RAB38: variants seen among roughly 807,000 people sequenced by gnomAD.
RAB38 encodes the protein ras-related protein Rab-38.
RAB38 carries 15 observed loss-of-function variants against 18.4 expected under a neutral mutation model. The observed-to-expected ratio is 0.82, with a 90% CI of 0.55 to 1.26. The LOEUF is 1.26. RAB38 is among the 50% of genes most tolerant of loss of function. The probability of loss-of-function intolerance (pLI) is 0.00; values close to 1 mark genes in which losing one functional copy is unlikely to be tolerated. For missense variants in RAB38, 294 were observed against 267.4 expected, an observed-to-expected ratio of 1.10 and a Z score of -0.69; for synonymous variants, 101 against 104.4, an observed-to-expected ratio of 0.97 and a Z score of 0.20.
At chr11:88,061,495 T>C in the RAB38 span, among the ~76,000 whole-genome samples, 2 of 152,234 alleles carry the variant, frequency 1.3e-5, no homozygotes, top group Non-Finnish European at 2.9e-5. Context: ...CGTCACTTTG[T>C]TCAATGATCA....
intron 1 of RAB38, among the ~76,000 whole-genome samples, chr11:88,169,500 ATGGAATTGTAAGCCTGAGCTCATGAG>A (rs1943283522): frequency 6.6e-6 from 1 of 152,310 alleles, no homozygotes; most frequent in Non-Finnish European, 1.5e-5. Flanking sequence ...CAGCAGGAAG[ATGGAATTGTAAGCCTGAGCTCATGAG>A]TAGTCAAGGA....
At chr11:87,814,551 G>A in the RAB38 span, among the ~76,000 whole-genome samples, 119 of 152,316 alleles carry the variant, frequency 7.8e-4, no homozygotes, top group African/African-American at 2.8e-3. Flanking sequence ...ATGGTAAAGT[G>A]TGTGCTGAAG....
At chr11:87,927,150 T>C in the RAB38 span, among the ~76,000 whole-genome samples, 1 of 151,994 alleles carries the variant, frequency 6.6e-6, no homozygotes, top group Non-Finnish European at 1.5e-5. Flanking sequence ...CAATTTGGGA[T>C]GTGAATCTAC....
chr11:87,847,101 C>T, the RAB38 span, among the ~76,000 whole-genome samples: 7 of 151,688 alleles, frequency 4.6e-5, no homozygotes, highest in East Asian at 3.9e-4. Context: ...TAAGGCCTAT[C>T]CTAAGAAACT....
chr11:87,842,123 A>G, the RAB38 span, among the ~76,000 whole-genome samples: 1 of 152,196 alleles, frequency 6.6e-6, no homozygotes, highest in Non-Finnish European at 1.5e-5. Flanking sequence ...AGTGTTATGG[A>G]TGAATAAAGA....
the RAB38 span, among the ~76,000 whole-genome samples, chr11:87,947,331 T>C: frequency 6.6e-6 from 1 of 152,132 alleles, no homozygotes; most frequent in Admixed American, 6.6e-5. Flanking sequence ...TCTCCCATTC[T>C]GTAGGCTGCC....
chr11:87,952,460 C>T, the RAB38 span, among the ~76,000 whole-genome samples: 1 of 152,180 alleles, frequency 6.6e-6, no homozygotes, highest in Non-Finnish European at 1.5e-5. Context: ...TATCCACATT[C>T]TCCTCTTAAC....
the RAB38 span, among the ~76,000 whole-genome samples, chr11:87,830,835 G>C: frequency 2.0e-5 from 3 of 151,974 alleles, no homozygotes; most frequent in Non-Finnish European, 4.4e-5. Context: ...GTCTCTCTCT[G>C]TTGCCCAGGC....
the RAB38 span, among the ~76,000 whole-genome samples, chr11:88,107,234 C>T: frequency 6.6e-6 from 1 of 152,122 alleles, no homozygotes; most frequent in Admixed American, 6.6e-5. Flanking sequence ...AATTTGAGAA[C>T]ATTTTTCTCA....
At chr11:87,833,692 C>G in the RAB38 span, among the ~76,000 whole-genome samples, 3 of 152,184 alleles carry the variant, frequency 2.0e-5, no homozygotes, top group Non-Finnish European at 2.9e-5. Context: ...TGTTAAATAA[C>G]TTGTCCTAAA....
chr11:87,962,998 G>A, the RAB38 span, among the ~76,000 whole-genome samples: 1 of 152,076 alleles, frequency 6.6e-6, no homozygotes, highest in African/African-American at 2.4e-5. Context: ...GTTCCATGAG[G>A]ACTAAAGATG....
the RAB38 span, among the ~76,000 whole-genome samples, chr11:87,926,953 CAG>C: frequency 2.0e-5 from 3 of 151,966 alleles, no homozygotes; most frequent in Non-Finnish European, 2.9e-5. Flanking sequence ...TCCAACAGTT[CAG>C]AGAGTCAACT....
chr11:88,125,681 T>C (rs1942686516), intron 2 of RAB38, among the ~76,000 whole-genome samples: 1 of 152,224 alleles, frequency 6.6e-6, no homozygotes, highest in Non-Finnish European at 1.5e-5. Flanking sequence ...TTCACTCTGA[T>C]GGTAGTTTCT....
At chr11:87,947,471 T>A in the RAB38 span, among the ~76,000 whole-genome samples, 1 of 152,230 alleles carries the variant, frequency 6.6e-6, no homozygotes, top group African/African-American at 2.4e-5. Context: ...CCCATGCCTA[T>A]GTCCTGAATG....
the RAB38 span, among the ~76,000 whole-genome samples, chr11:87,823,914 A>G: frequency 1.1e-3 from 174 of 152,334 alleles, no homozygotes; most frequent in Non-Finnish European, 2.1e-3. Flanking sequence ...GCTAGTACAC[A>G]ATGTCTGTGA....
chr11:88,147,131 C>T (rs1336249896), intron 2 of RAB38, among the ~76,000 whole-genome samples: 2 of 152,140 alleles, frequency 1.3e-5, no homozygotes, highest in Non-Finnish European at 2.9e-5. Flanking sequence ...TTTCTTTTTT[C>T]CCTTTCTTCT....
the RAB38 span, among the ~76,000 whole-genome samples, chr11:88,102,546 T>G: frequency 6.6e-6 from 1 of 152,092 alleles, no homozygotes; most frequent in Non-Finnish European, 1.5e-5. Context: ...CAAGGGACAC[T>G]GAAGTGTACT....
At chr11:88,099,210 T>G in the RAB38 span, among the ~76,000 whole-genome samples, 1 of 152,084 alleles carries the variant, frequency 6.6e-6, no homozygotes, top group East Asian at 1.9e-4. Flanking sequence ...AGTTTTATCT[T>G]ATGCAAACTG....
the RAB38 span, among the ~76,000 whole-genome samples, chr11:88,031,627 C>G: frequency 6.6e-6 from 1 of 151,708 alleles, no homozygotes; most frequent in South Asian, 2.1e-4. Context: ...CTCCTATTCA[C>G]AATTGCTTCA....
Sources: allele counts gnomAD v4.1 joint callset (sites outside exome capture counted in the v4.1 genomes callset), GRCh38; gene constraint gnomAD v4.1.1; transcripts MANE v1.5; gene names NCBI Gene and HGNC (gene_info 2026-07-23, HGNC 2026-07-21).